The following SLC26A7 variants were observed in gnomAD, a reference collection of about 807,000 sequenced individuals.
The protein encoded by SLC26A7 is solute carrier family 26 member 7, also known as anion exchange transporter.
In SLC26A7, 59 loss-of-function variants were observed where a neutral mutation model predicts 82.5. The ratio of observed to expected loss-of-function variants is 0.72; its 90% CI spans 0.58 to 0.89. SLC26A7 has a LOEUF of 0.89. SLC26A7 is among the 40% of genes least tolerant of loss of function. The pLI, the probability that SLC26A7 is intolerant of heterozygous loss-of-function variation, is 0.00. For missense variants in SLC26A7, 820 were observed against 793.0 expected, an observed-to-expected ratio of 1.03 and a Z score of -0.41; for synonymous variants, 271 against 274.3, an observed-to-expected ratio of 0.99 and a Z score of 0.12.
In SLC26A7 at chr8:91,295,664, C is replaced by A. The variant is rs759206869; in HGVS notation, c.438C>A (p.His146Gln). 1.2e-6 allele frequency: 2 copies of A among 1,613,984 alleles called. No homozygotes were observed. Among genetic ancestry groups the A allele is most frequent in the African/African-American group, 2.7e-5 (2 of 75,032 alleles). The part of the protein sequence containing the change: ...GLSDFEMQRI[H>Q]VAAAVSFLGG... The stretch of plus-strand genomic sequence containing the variant: ...CCGACTTTGAAATGCAAAGGATCCA[C>A]GTTGCTGCAGCAGTTTCCTTCTTGG... Residue 146 changes from histidine (H) to glutamine (Q), a missense_variant, in exon 4 of 19, where the codon CAC becomes CAA. Coordinates refer to ENST00000276609, the MANE Select transcript of SLC26A7 (RefSeq NM_052832.4).
At chr8:91,220,631 T>C (rs903981483) in intron 2 of SLC26A7, among the ~76,000 whole-genome samples, 3 of 152,186 alleles carry the variant, frequency 2.0e-5, no homozygotes, top group African/African-American at 4.8e-5. Flanking sequence ...GCTGGTTTGC[T>C]GAGGATGATG....
At chr8:91,273,146 T>G (rs1276074426) in intron 2 of SLC26A7, among the ~76,000 whole-genome samples, 1 of 152,064 alleles carries the variant, frequency 6.6e-6, no homozygotes, top group African/African-American at 2.4e-5. Context: ...CAACCAGTGT[T>G]TGTTTTTGTT....
intron 2 of SLC26A7, among the ~76,000 whole-genome samples, chr8:91,264,069 C>G (rs1477377057): frequency 1.3e-5 from 2 of 151,874 alleles, no homozygotes; most frequent in Admixed American, 1.3e-4. Context: ...CATGTTGCTC[C>G]GCTTTCCTAA....
chr8:91,371,270 T>A (rs190100616), intron 15 of SLC26A7, among the ~76,000 whole-genome samples: 1 of 151,998 alleles, frequency 6.6e-6, no homozygotes, highest in Admixed American at 6.5e-5. Flanking sequence ...GGATCTATTT[T>A]TTAAATTTAC....
At position 91,321,245 on chromosome 8, in the gene SLC26A7, G is replaced by A. The variant is rs370296773; in HGVS notation, c.642+2865G>A. ...TGCCACAATGAAATATTTTTAGGGA[G>A]CAATTTGAATCAGATACATGTAGGG... On this transcript the variant is annotated intron_variant, in intron 5 of 18. Coordinates refer to ENST00000276609, the MANE Select transcript of SLC26A7 (RefSeq NM_052832.4). Among the ~76,000 whole-genome samples the A allele has an allele frequency of 7.9e-5, 12 of 152,270 alleles. No individual in the cohort carries two copies. In the South Asian group the frequency reaches 1.2e-3, roughly 16 times the overall value.
chr8:91,322,388 C>T (rs1421636840), intron 5 of SLC26A7, among the ~76,000 whole-genome samples: 1 of 152,170 alleles, frequency 6.6e-6, no homozygotes, highest in East Asian at 1.9e-4. Flanking sequence ...TTATAAGGGT[C>T]ACTTGTGTCT....
intron 5 of SLC26A7, among the ~76,000 whole-genome samples, chr8:91,329,599 T>C (rs1813022887): frequency 6.6e-6 from 1 of 152,180 alleles, no homozygotes; most frequent in South Asian, 2.1e-4. Context: ...GCAAATTTGG[T>C]ATGGCTTGGA....
rs376775334 is a variant in SLC26A7 at position 91,295,579 on chromosome 8, T to C, written c.353T>C (p.Ile118Thr). The C allele has an allele frequency of 3.7e-6, 6 of 1,614,046 alleles. No individual in the cohort carries two copies. The highest frequency in any genetic ancestry group is 5.1e-6 in the Non-Finnish European group (6 of 1,179,944). ...ATATCAGCCAACGCCGTGGAACGGA[T>C]TGTCCCTCAGAACATGCAGAATCTC... is the stretch of plus-strand genomic sequence containing the variant. Reference protein sequence around the residue: ...SLISANAVERIVPQNMQNLTT... With the variant: ...SLISANAVERTVPQNMQNLTT... The change falls in exon 4 of 19, where the codon ATT (isoleucine) becomes ACT (threonine). Residue 118 changes from isoleucine to threonine, a missense_variant. Physicochemically the swap from Ile to Thr is moderately conservative, Grantham distance 89. Coordinates refer to ENST00000276609, the MANE Select transcript of SLC26A7 (RefSeq NM_052832.4).
chr8:91,219,216 T>TA (rs1810115779), intron 2 of SLC26A7: 1 of 354,018 alleles, frequency 2.8e-6, no homozygotes, highest in South Asian at 1.5e-4. Context: ...CTTAAAAAAG[T>TA]ACAAAAAAAA....
rs1563676699 is a variant in SLC26A7 at position 91,318,281 on chromosome 8, A to G, written c.543A>G (p.Ala181=). 1.9e-6 allele frequency: 3 copies of G among 1,612,656 alleles called. No homozygotes were observed. Among genetic ancestry groups the G allele is most frequent in the Non-Finnish European group, 2.5e-6 (3 of 1,179,278 alleles). Residue 181 remains alanine (A), a synonymous_variant, in exon 5 of 19, where the codon GCA becomes GCG. Transcript: ENST00000276609. The stretch of plus-strand genomic sequence containing the variant: ...TGGTCACAGAGCCTGTGATCAGCGC[A>G]ATGACAACTGGGGCTGCCACCCATG... ...TFVVTEPVIS[A]MTTGAATHVV...
At chr8:91,280,725 G>A (rs187935449) in intron 2 of SLC26A7, among the ~76,000 whole-genome samples, 31 of 151,536 alleles carry the variant, frequency 2.0e-4, no homozygotes, top group South Asian at 6.3e-4. Context: ...TTATTTTTCC[G>A]TCTTTTCATC....
rs538226989 is a variant in SLC26A7 at position 91,299,754 on chromosome 8, C to A, written c.477+4051C>A. On this transcript the variant is annotated intron_variant, in intron 4 of 18. Coordinates refer to ENST00000276609, the MANE Select transcript of SLC26A7 (RefSeq NM_052832.4). The stretch of plus-strand genomic sequence containing the variant: ...TGTATTTTTAATTTTTGTGTGTATT[C>A]TTGGCTATTCTTGCATGTTTGTTTT... Among the ~76,000 whole-genome samples, 6 of 152,016 alleles carry A rather than the reference C, an allele frequency of 3.9e-5. No homozygotes were observed. In the South Asian group the frequency reaches 1.2e-3, roughly 31 times the overall value.
chr8:91,258,209 A>G (rs965547519), intron 2 of SLC26A7, among the ~76,000 whole-genome samples: 2 of 152,038 alleles, frequency 1.3e-5, no homozygotes, highest in East Asian at 3.9e-4. Context: ...TTTACTTGCC[A>G]CTGCTCTATT....
intron 15 of SLC26A7, among the ~76,000 whole-genome samples, chr8:91,375,404 T>C (rs150810050): frequency 6.6e-6 from 1 of 152,284 alleles, no homozygotes; most frequent in East Asian, 1.9e-4. Flanking sequence ...AGAACTCTTT[T>C]GAACATTTCT....
At chr8:91,268,751 T>C (rs1186997683) in intron 2 of SLC26A7, among the ~76,000 whole-genome samples, 4 of 151,760 alleles carry the variant, frequency 2.6e-5, no homozygotes, top group Non-Finnish European at 5.9e-5. Context: ...TTTTCCCTTT[T>C]TCCTCTCTTA....
chr8:91,226,893 A>T (rs916495392), intron 2 of SLC26A7, among the ~76,000 whole-genome samples: 4 of 152,238 alleles, frequency 2.6e-5, no homozygotes, highest in Non-Finnish European at 4.4e-5. Context: ...AGCTTAGGCT[A>T]AATGTGTGCT....
chr8:91,315,205 GCA>G (rs1812594587), intron 4 of SLC26A7, among the ~76,000 whole-genome samples: 1 of 152,262 alleles, frequency 6.6e-6, no homozygotes, highest in South Asian at 2.1e-4. Flanking sequence ...TTCCATGTAT[GCA>G]CACTGGTTTT....
In SLC26A7 at chr8:91,343,434, G is replaced by T; in HGVS notation, c.1108G>T (p.Ala370Ser). 6.2e-7 allele frequency: 1 copy of T among 1,612,506 alleles called. No homozygotes were observed. ...IPSAAAMGRTAGLYSTGAKTQ... is the reference protein window; with the variant it reads ...IPSAAAMGRTSGLYSTGAKTQ... ...AAGTGCTGCTGCCATGGGAAGGACGGCTGGCCTGTACAGCACAGGAGCGAA... is the reference window on the plus strand; with the variant it reads ...AAGTGCTGCTGCCATGGGAAGGACGTCTGGCCTGTACAGCACAGGAGCGAA... Residue 370 changes from alanine (A) to serine (S), a missense_variant, in exon 9 of 19, where the codon GCT (alanine) becomes TCT (serine). Physicochemically the swap from Ala to Ser is moderately conservative, Grantham distance 99. Transcript: ENST00000276609.
chr8:91,270,817 T>G (rs1272378105), intron 2 of SLC26A7, among the ~76,000 whole-genome samples: 1 of 152,178 alleles, frequency 6.6e-6, no homozygotes, highest in African/African-American at 2.4e-5. Flanking sequence ...AAGATCCCCC[T>G]GAATTTACCA....
Sources: allele counts gnomAD v4.1 joint callset (sites outside exome capture counted in the v4.1 genomes callset), GRCh38; gene constraint gnomAD v4.1.1; transcripts MANE v1.5; gene names NCBI Gene and HGNC (gene_info 2026-07-23, HGNC 2026-07-21).